TANK: variants seen among roughly 807,000 people sequenced by gnomAD.
The protein encoded by TANK is TRAF family member-associated NF-kappa-B activator.
Under a neutral mutation model 43.6 loss-of-function variants are expected in TANK, and 15 were observed. The ratio of observed to expected loss-of-function variants is 0.34; its 90% CI spans 0.23 to 0.53. The LOEUF (loss-of-function observed/expected upper bound fraction) is 0.53, where lower values mean the gene tolerates loss of function less well. Ranked by LOEUF, TANK falls within the 20% of genes least tolerant of loss-of-function variation. The probability of loss-of-function intolerance (pLI) is 0.94; values close to 1 mark genes in which losing one functional copy is unlikely to be tolerated. For missense variants in TANK, 417 were observed against 498.6 expected (o/e 0.84, Z 1.56); for synonymous variants, 162 against 178.2 (o/e 0.91, Z 0.73).
chr2:161,204,615 T>A, intron 3 of TANK, 60 bp from the exon 4 acceptor site: 1 of 1,530,686 alleles, frequency 6.5e-7, no homozygotes, highest in Non-Finnish European at 8.8e-7. Context: ...TTTTTGCTTT[T>A]TCAGGTGGTA....
chr2:161,146,335 C>T (rs955549122), intron 1 of TANK, among the ~76,000 whole-genome samples: 1 of 152,178 alleles, frequency 6.6e-6, no homozygotes, highest in Admixed American at 6.5e-5. Context: ...ATTTGTCCAT[C>T]TCATCCTCCA....
intron 4 of TANK, among the ~76,000 whole-genome samples, chr2:161,213,492 A>G (rs1483369871): frequency 6.6e-6 from 1 of 151,184 alleles, no homozygotes; most frequent in African/African-American, 2.4e-5. Flanking sequence ...AATCCCAGCT[A>G]CTCTGGAGGC....
At chr2:161,233,821 T>C (rs983477294) in intron 7 of TANK, among the ~76,000 whole-genome samples, 1 of 152,088 alleles carries the variant, frequency 6.6e-6, no homozygotes, top group East Asian at 1.9e-4. Flanking sequence ...TTTGGCCATA[T>C]CAATTTCCCA....
intron 2 of TANK, chr2:161,202,823 G>T: frequency 2.2e-6 from 1 of 463,510 alleles, no homozygotes; most frequent in Non-Finnish European, 4.5e-6. Context: ...GTATTCCTCA[G>T]TACAAACTTG....
intron 7 of TANK, chr2:161,232,664 G>A: frequency 6.9e-7 from 1 of 1,447,350 alleles, no homozygotes; most frequent in Non-Finnish European, 9.2e-7. Flanking sequence ...CTGTGGAGCT[G>A]TGAAGTGCAT....
intron 1 of TANK, among the ~76,000 whole-genome samples, chr2:161,165,072 G>C (rs1378148990): frequency 1.4e-5 from 2 of 147,866 alleles, no homozygotes; most frequent in East Asian, 3.9e-4. Context: ...CAAAAGGAAG[G>C]GTCTACTGAA....
At chr2:161,147,077 G>A (rs1273440827) in intron 1 of TANK, among the ~76,000 whole-genome samples, 1 of 152,172 alleles carries the variant, frequency 6.6e-6, no homozygotes, top group African/African-American at 2.4e-5. Flanking sequence ...ATGAGTCAGG[G>A]TCAGGCTTGA....
intron 4 of TANK, among the ~76,000 whole-genome samples, chr2:161,217,180 AG>A (rs1051491055): frequency 1.3e-5 from 2 of 152,174 alleles, no homozygotes; most frequent in African/African-American, 4.8e-5. Context: ...TGATTAGCTC[AG>A]GGTAAGTGTC....
intron 1 of TANK, among the ~76,000 whole-genome samples, chr2:161,139,425 G>T (rs567671564): frequency 1.3e-5 from 2 of 152,242 alleles, no homozygotes; most frequent in East Asian, 3.9e-4. Flanking sequence ...ATGTCTTTTT[G>T]ATATCATTAG....
At chr2:161,145,133 C>CTTTTTTTTTTT (rs144526006) in intron 1 of TANK, among the ~76,000 whole-genome samples, 1 of 32,830 alleles carries the variant, frequency 3.0e-5, no homozygotes, top group Non-Finnish European at 5.1e-5. Flanking sequence ...GCAACCCCTG[C>CTTTTTTTTTTT]TTTTTTTTTT....
intron 2 of TANK, among the ~76,000 whole-genome samples, chr2:161,197,185 G>A (rs1177450281): frequency 6.6e-6 from 1 of 152,102 alleles, no homozygotes; most frequent in East Asian, 1.9e-4. Context: ...TTCTGTTGGT[G>A]GTAGTCGTCA....
intron 1 of TANK, among the ~76,000 whole-genome samples, chr2:161,148,417 T>C (rs985837093): frequency 6.6e-6 from 1 of 152,246 alleles, no homozygotes; most frequent in Non-Finnish European, 1.5e-5. Context: ...TTATATATTC[T>C]AGATTCTAGC....
At chr2:161,234,676 A>G (rs1688090839) in intron 7 of TANK, among the ~76,000 whole-genome samples, 1 of 152,234 alleles carries the variant, frequency 6.6e-6, no homozygotes, top group Non-Finnish European at 1.5e-5. Flanking sequence ...AGTAAGGCCA[A>G]ACTACCTATT....
At chr2:161,161,624 G>A in intron 1 of TANK, 1 of 726,762 alleles carries the variant, frequency 1.4e-6, no homozygotes, top group South Asian at 2.1e-5. Context: ...TATGCATACT[G>A]TTCGATAATC....
intron 1 of TANK, chr2:161,162,805 T>C (rs1222621412): frequency 6.6e-6 from 1 of 152,126 alleles, no homozygotes; most frequent in Non-Finnish European, 1.5e-5. Flanking sequence ...TTGAGAACAA[T>C]TTTAAATAAT....
Position 161,174,574 on chromosome 2 carries a change from A to G in TANK, c.-49-5040A>G, listed in dbSNP as rs75316236. 6.8e-3 allele frequency among the ~76,000 whole-genome samples: 1,030 copies of G among 152,280 alleles called. 14 individuals are homozygous for G. Among genetic ancestry groups the G allele is most frequent in the African/African-American group, 0.024 (983 of 41,566 alleles). On this transcript the variant is annotated intron_variant, in intron 1 of 7. Transcript: ENST00000392749. ...ATAAGTCACCATATTTGCTGAGCAA[A>G]AGTTTTTATGTTGTGTATAGTTTGG... is the stretch of plus-strand genomic sequence containing the variant.
At chr2:161,205,665 T>C (rs1686620192) in intron 4 of TANK, among the ~76,000 whole-genome samples, 1 of 152,196 alleles carries the variant, frequency 6.6e-6, no homozygotes, top group African/African-American at 2.4e-5. Flanking sequence ...AGAAACTCTT[T>C]AGAAAAATTA....
upstream of TANK, among the ~76,000 whole-genome samples, chr2:161,158,984 A>G (rs1241359361): frequency 6.6e-6 from 1 of 152,242 alleles, no homozygotes; most frequent in African/African-American, 2.4e-5. Flanking sequence ...GCAAATTAAA[A>G]CAACAATAAA....
At chr2:161,141,778 C>T (rs541284411) in intron 1 of TANK, among the ~76,000 whole-genome samples, 3 of 152,218 alleles carry the variant, frequency 2.0e-5, no homozygotes, top group Non-Finnish European at 4.4e-5. Flanking sequence ...GTAAATAGTG[C>T]TGCACGAAAC....
Sources: allele counts gnomAD v4.1 joint callset (sites outside exome capture counted in the v4.1 genomes callset), GRCh38; gene constraint gnomAD v4.1.1; transcripts MANE v1.5; gene names NCBI Gene and HGNC (gene_info 2026-07-23, HGNC 2026-07-21).